FETUB: variants seen among roughly 807,000 people sequenced by gnomAD.
FETUB encodes the protein fetuin B, also known as fetuin-B.
FETUB carries 28 observed loss-of-function variants against 30.9 expected under a neutral mutation model. The observed-to-expected ratio is 0.90, with a 90% CI of 0.67 to 1.24. FETUB has a LOEUF of 1.24. Ranked by LOEUF, FETUB falls within the 50% of genes most tolerant of loss-of-function variation. The probability of loss-of-function intolerance (pLI) is 0.00; values close to 1 mark genes in which losing one functional copy is unlikely to be tolerated. For missense variants in FETUB, 469 were observed against 455.3 expected (o/e 1.03, Z -0.27); for synonymous variants, 186 against 175.9 (o/e 1.06, Z -0.45).
At chr3:186,650,176 G>T (rs868029247) in intron 5 of FETUB, among the ~76,000 whole-genome samples, 1,270 of 96,206 alleles carry the variant, frequency 0.013, 58 homozygotes, top group African/African-American at 0.044. Flanking sequence ...GGGGTGGGGG[G>T]GGGGGGTAAA....
chr3:186,638,956 G>A (rs1716858618), upstream of FETUB, among the ~76,000 whole-genome samples: 1 of 152,094 alleles, frequency 6.6e-6, no homozygotes. Context: ...CCACAGAGCT[G>A]GGATCTTTAG....
Position 186,652,382 on chromosome 3 carries a change from A to G in FETUB, c.900A>G (p.Pro300=), listed in dbSNP as rs1470260519. ...PPTDSPSKAG[P]RGSVQYLPDL... ...CAGACTCCCCCTCCAAAGCTGGGCC[A>G]AGAGGATCTGTCCAATATCTTCCTG... The change falls in exon 7 of 7, where the codon CCA becomes CCG. Residue 300 remains proline, a synonymous_variant. Transcript: ENST00000265029. 1 of 1,603,832 alleles carries G rather than the reference A, an allele frequency of 6.2e-7. No homozygotes were observed. The highest frequency in any genetic ancestry group is 1.1e-5 in the South Asian group (1 of 90,830).
intron 4 of FETUB, among the ~76,000 whole-genome samples, 176 bp downstream of exon 4, chr3:186,645,096 GTGATTCCATGGCATTT>G (rs1717391960): frequency 6.6e-6 from 1 of 152,156 alleles, no homozygotes; most frequent in South Asian, 2.1e-4. Context: ...CACTTTCTAA[GTGATTCCATGGCATTT>G]CTACAAGAGT....
chr3:186,644,440 C>G lies in FETUB; in HGVS notation c.425-311C>G, dbSNP rs983809079. 3.3e-5 allele frequency among the ~76,000 whole-genome samples: 5 copies of G among 152,240 alleles called. No homozygotes were observed. The East Asian group carries it at 9.6e-4, about 29-fold the overall frequency. The stretch of plus-strand genomic sequence containing the variant: ...CAATCTCTGAAGACAGTCTACTTTA[C>G]AGGGTCAATAATGAGAAAAGATAGT... On this transcript the variant is annotated intron_variant, in intron 3 of 6. Transcript: ENST00000265029.
At chr3:186,637,633 C>T (rs1418059445), upstream of FETUB, among the ~76,000 whole-genome samples, 1 of 152,252 alleles carries the variant, frequency 6.6e-6, no homozygotes, top group Non-Finnish European at 1.5e-5. Flanking sequence ...TTCTCCCAAC[C>T]TGGTTCACCT....
At chr3:186,646,680 A>C (rs78251920) in intron 5 of FETUB, among the ~76,000 whole-genome samples, 239 of 152,318 alleles carry the variant, frequency 1.6e-3, no homozygotes, top group African/African-American at 5.6e-3. Flanking sequence ...AGAAGGACAA[A>C]GTCAAATAGG....
upstream of FETUB, among the ~76,000 whole-genome samples, chr3:186,637,651 C>G (rs1212086097): frequency 6.6e-6 from 1 of 152,232 alleles, no homozygotes; most frequent in Non-Finnish European, 1.5e-5. Flanking sequence ...CCTGGCGATG[C>G]ATCCATTCAA....
chr3:186,647,186 T>C (rs1231848075), intron 5 of FETUB: 1 of 152,262 alleles, frequency 6.6e-6, no homozygotes, highest in Non-Finnish European at 1.5e-5. Flanking sequence ...TAGTTTTACC[T>C]CTTTGCATAA....
Position 186,640,549 on chromosome 3 carries a change from C to A in FETUB, c.89C>A (p.Ala30Asp). The A allele has an allele frequency of 6.2e-7, 1 of 1,614,222 alleles. No homozygotes were observed. Among genetic ancestry groups the A allele is most frequent in the Non-Finnish European group, 8.5e-7 (1 of 1,180,022 alleles). ...SPPQLALNPSALLSRGCNDSD... is the reference protein window; with the variant it reads ...SPPQLALNPSDLLSRGCNDSD... ...CCCCAGCTGGCCCTCAACCCCTCGGCTCTGCTCTCCCGGGGCTGCAATGAC... is the reference window on the plus strand; with the variant it reads ...CCCCAGCTGGCCCTCAACCCCTCGGATCTGCTCTCCCGGGGCTGCAATGAC... Residue 30 changes from alanine (A) to aspartate (D), a missense_variant, in exon 1 of 7, where the codon GCT becomes GAT. Ala to Asp is a moderately radical substitution (Grantham distance 126, BLOSUM62 -2). Coordinates refer to ENST00000265029, the MANE Select transcript of FETUB (RefSeq NM_014375.3).
chr3:186,640,525 C>A lies in FETUB; in HGVS notation c.65C>A (p.Pro22His), dbSNP rs527318265. Residue 22 changes from proline to histidine, a missense_variant, in exon 1 of 7, where the codon CCC becomes CAC. Physicochemically the swap from Pro to His is moderately conservative, Grantham distance 77. Transcript: ENST00000265029. ...CTGTGCTGCGGAGCAATGTCTCCAC[C>A]CCAGCTGGCCCTCAACCCCTCGGCT... is the stretch of plus-strand genomic sequence containing the variant. Reference protein sequence around the residue: ...LVLCCGAMSPPQLALNPSALL... With the variant: ...LVLCCGAMSPHQLALNPSALL... 8.7e-6 allele frequency: 14 copies of A among 1,614,196 alleles called. No individual in the cohort carries two copies. In the East Asian group the frequency reaches 2.7e-4, roughly 31 times the overall value.
chr3:186,640,259 C>T (rs1716923900), upstream of FETUB: 1 of 593,942 alleles, frequency 1.7e-6, no homozygotes, highest in Non-Finnish European at 3.0e-6. Context: ...TATGAGGTTG[C>T]TCAAGGGTCT....
At chr3:186,645,829 G>C (rs991324959) in intron 4 of FETUB, among the ~76,000 whole-genome samples, 2 of 149,782 alleles carry the variant, frequency 1.3e-5, no homozygotes, top group African/African-American at 2.5e-5. Context: ...CTGGTTCAAG[G>C]GATTCTCCTG....
chr3:186,644,697 A>G (rs1379067138), intron 3 of FETUB, 54 bp from the exon 4 acceptor site: 1 of 1,412,148 alleles, frequency 7.1e-7, no homozygotes, highest in African/African-American at 1.4e-5. Flanking sequence ...TTACAGTCAT[A>G]TGATTTATTG....
intron 6 of FETUB, 30 bp downstream of exon 6, chr3:186,651,331 TG>T (rs1718017796): frequency 7.0e-7 from 1 of 1,425,230 alleles, no homozygotes. Context: ...CCTGTCTTTC[TG>T]TGAAGAAGAG....
Position 186,652,360 on chromosome 3 carries a change from A to C in FETUB, c.878A>C (p.Asp293Ala). The C allele has an allele frequency of 9.6e-7, 1 of 1,043,622 alleles. No homozygotes were observed. The highest frequency in any genetic ancestry group is 1.5e-6 in the Non-Finnish European group (1 of 682,606). The allele number at this position is 1,043,622 out of a possible 1,614,324, so 64.6% of individuals were successfully genotyped here. The change falls in exon 7 of 7, where the codon GAC (aspartate) becomes GCC (alanine). Residue 293 changes from aspartate to alanine, a missense_variant. Transcript: ENST00000265029. ...CAGCAGAAAAACACCCCCCCAACAG[A>C]CTCCCCCTCCAAAGCTGGGCCAAGA... ...ESQQKNTPPTDSPSKAGPRGS... is the reference protein window; with the variant it reads ...ESQQKNTPPTASPSKAGPRGS...
chr3:186,652,037 T>C (rs1560028777), intron 6 of FETUB, among the ~76,000 whole-genome samples: 1 of 152,166 alleles, frequency 6.6e-6, no homozygotes. Context: ...ATTATTCAGC[T>C]CTGAAATTGT....
intron 4 of FETUB, 68 bp downstream of exon 4, chr3:186,644,988 T>A: frequency 2.2e-6 from 3 of 1,337,218 alleles, no homozygotes; most frequent in Non-Finnish European, 3.1e-6. Flanking sequence ...GTTCCTAAGC[T>A]GGGAGGAAAA....
At chr3:186,647,250 C>T (rs1717624023) in intron 5 of FETUB, 1 of 151,844 alleles carries the variant, frequency 6.6e-6, no homozygotes. Context: ...GTTTATCCAT[C>T]TATCAGTTGA....
At chr3:186,641,732 G>A (rs1248773690) in intron 2 of FETUB, 2 of 152,186 alleles carry the variant, frequency 1.3e-5, no homozygotes, top group Non-Finnish European at 1.5e-5. Context: ...AATTATCCTG[G>A]GATGATTTTC....
Sources: allele counts gnomAD v4.1 joint callset (sites outside exome capture counted in the v4.1 genomes callset), GRCh38; gene constraint gnomAD v4.1.1; transcripts MANE v1.5; gene names NCBI Gene and HGNC (gene_info 2026-07-23, HGNC 2026-07-21).